Variants in GSR observed in about 807,000 individuals in gnomAD.
GSR encodes glutathione-disulfide reductase, also known as glutathione reductase, mitochondrial.
A neutral mutation model predicts 56.5 loss-of-function variants in GSR; 48 were observed. That is an observed-to-expected ratio of 0.85 (90% CI 0.67 to 1.08). GSR has a LOEUF of 1.08. GSR is among the 50% of genes least tolerant of loss of function. The pLI, the probability that GSR is intolerant of heterozygous loss-of-function variation, is 0.00. For synonymous variants in GSR, 264 were observed against 270.8 expected (o/e 0.97, Z 0.25); for missense variants, 694 against 703.3 (o/e 0.99, Z 0.15).
chr8:30,687,791 C>T (rs1803213475), intron 9 of GSR, among the ~76,000 whole-genome samples: 1 of 152,082 alleles, frequency 6.6e-6, no homozygotes, highest in Non-Finnish European at 1.5e-5. Flanking sequence ...AGCAGGTGAA[C>T]ATTCATTGTG....
Position 30,678,356 on chromosome 8 carries a change from TA to T in GSR, c.*1163del, listed in dbSNP as rs1425070786. On this transcript the variant is annotated 3_prime_UTR_variant, in exon 13 of 13. Transcript: ENST00000221130. ...CATAAAAATAATATATATATATATA[TA>T]TATTTTTTTTTTTTTTTTTTGAGAC... is the stretch of plus-strand genomic sequence containing the variant. The T allele has an allele frequency of 7.1e-5, 3 of 42,254 alleles. No homozygotes were observed. Among genetic ancestry groups the T allele is most frequent in the Non-Finnish European group, 1.2e-4 (3 of 25,358 alleles). The allele number at this position is 42,254 out of a possible 1,614,324, so 2.6% of individuals were successfully genotyped here.
chr8:30,698,224 G>A (rs552515655), intron 6 of GSR, among the ~76,000 whole-genome samples: 163 of 152,252 alleles, frequency 1.1e-3, no homozygotes, highest in Non-Finnish European at 1.7e-3. Context: ...GAAGAATCAC[G>A]TATCAATCGT....
Position 30,727,365 on chromosome 8 carries a change from C to T in GSR, c.306+165G>A, listed in dbSNP as rs2280857. Among the ~76,000 whole-genome samples, 10,978 of 152,264 alleles carry T rather than the reference C, an allele frequency of 0.072. 1,146 individuals are homozygous for T. The highest frequency in any genetic ancestry group is 0.23 in the African/African-American group (9,677 of 41,520). Reference sequence around the variant, plus strand: ...GAGAAGCCCCCGGACGCCTCTCTCTCCTCCACCTGCTGGGTTCCTGGCTTC... The same window carrying T: ...GAGAAGCCCCCGGACGCCTCTCTCTTCTCCACCTGCTGGGTTCCTGGCTTC... On this transcript the variant is annotated intron_variant, in intron 1 of 12. Transcript: ENST00000221130.
At position 30,681,157 on chromosome 8, in the gene GSR, C is replaced by A. The variant is rs568389970; in HGVS notation, c.1286-120G>T. ...CAAACCACGAGGAAATATCAAACCA[C>A]GCCAAAATGAGAAGTATTCTACAAA... is the stretch of plus-strand genomic sequence containing the variant. On this transcript the variant is annotated intron_variant, in intron 11 of 12. Coordinates refer to ENST00000221130, the MANE Select transcript of GSR (RefSeq NM_000637.5). 4.9e-6 allele frequency: 4 copies of A among 820,474 alleles called. No individual in the cohort carries two copies. The African/African-American group carries it at 6.7e-5, about 14-fold the overall frequency. 50.8% of individuals were successfully genotyped at this position (820,474 alleles called of 1,614,324 possible).
chr8:30,724,544 CTTTTTTTT>C (rs56145808), intron 1 of GSR, among the ~76,000 whole-genome samples: 39 of 84,640 alleles, frequency 4.6e-4, no homozygotes, highest in African/African-American at 1.7e-3. Context: ...AACCCCCCAC[CTTTTTTTT>C]TTTTTTTTTT....
chr8:30,712,090 T>C lies in GSR; in HGVS notation c.307-2A>G. The C allele has an allele frequency of 1.4e-6, 2 of 1,429,350 alleles. No homozygotes were observed. The highest frequency in any genetic ancestry group is 1.2e-5 in the South Asian group (1 of 82,864). The allele number at this position is 1,429,350 out of a possible 1,614,324, so 88.5% of individuals were successfully genotyped here. A position where few individuals can be genotyped will look rare whatever the true frequency, so the allele number is the denominator to read the frequency against. ...TTTGGGTACACATCCAACATTCACC[T>C]GGAAAAAAAAAAAAGAGACACACTT... On this transcript the variant is annotated splice_acceptor_variant, in intron 1 of 12. Transcript: ENST00000221130. LOFTEE classifies it high-confidence loss of function.
intron 8 of GSR, among the ~76,000 whole-genome samples, chr8:30,692,491 C>G: frequency 9.6e-6 from 1 of 103,884 alleles, no homozygotes; most frequent in South Asian, 3.2e-4. Context: ...CCACCACACC[C>G]AGACTTTTTT....
chr8:30,709,520 T>C (rs1462270347), intron 3 of GSR, among the ~76,000 whole-genome samples: 2 of 152,164 alleles, frequency 1.3e-5, no homozygotes, highest in African/African-American at 2.4e-5. Flanking sequence ...GAAAGCAGAA[T>C]AGAGGTTCCC....
chr8:30,696,783 C>T (rs1391676387), intron 6 of GSR, among the ~76,000 whole-genome samples: 2 of 152,140 alleles, frequency 1.3e-5, no homozygotes, highest in East Asian at 1.9e-4. Flanking sequence ...GCAGCCTCAA[C>T]CTCCAGGACT....
chr8:30,689,746 G>GTATATA (rs35206861), intron 8 of GSR, among the ~76,000 whole-genome samples: 15 of 138,626 alleles, frequency 1.1e-4, no homozygotes, highest in African/African-American at 3.7e-4. Context: ...GTGTGTGTGT[G>GTATATA]TATATATATA....
intron 12 of GSR, among the ~76,000 whole-genome samples, chr8:30,680,136 A>C (rs1802893367): frequency 6.6e-6 from 1 of 152,194 alleles, no homozygotes; most frequent in African/African-American, 2.4e-5. Flanking sequence ...AATGAATGAT[A>C]ACTGGCATGA....
Position 30,692,990 on chromosome 8 carries a change from C to T in GSR, c.861G>A (p.Val287=). ...GTACCTGGGAGAACTTCAGCACCTCCACGCCAGCGTTCTCCAGCTCCTCCG... is the reference window on the plus strand; with the variant it reads ...GTACCTGGGAGAACTTCAGCACCTCTACGCCAGCGTTCTCCAGCTCCTCCG... The part of the protein sequence containing the change: ...NCTEELENAG[V]EVLKFSQVKE... Residue 287 remains valine, a synonymous_variant, in exon 8 of 13, where the codon GTG becomes GTA. Transcript: ENST00000221130. 1 of 1,611,784 alleles carries T rather than the reference C, an allele frequency of 6.2e-7. No individual in the cohort carries two copies. The highest frequency in any genetic ancestry group is 1.1e-5 in the South Asian group (1 of 91,046).
chr8:30,685,084 C>T (rs575769333), intron 9 of GSR, among the ~76,000 whole-genome samples: 28 of 151,956 alleles, frequency 1.8e-4, no homozygotes, highest in Non-Finnish European at 3.4e-4. Flanking sequence ...CTCAGCCTCC[C>T]GAGTAGCTGG....
rs1803282431 is a variant in GSR, at chr8:30,689,333, A to G, written c.883-14T>C. 1 of 1,612,466 alleles carries G rather than the reference A, an allele frequency of 6.2e-7. No homozygotes were observed. The highest frequency in any genetic ancestry group is 8.5e-7 in the Non-Finnish European group (1 of 1,178,412). On this transcript the variant is annotated splice_polypyrimidine_tract_variant and intron_variant, in intron 8 of 12. Coordinates refer to ENST00000221130, the MANE Select transcript of GSR (RefSeq NM_000637.5). ...AACCTCCTTGACCTATTGGCAAATA[A>G]AATGTGTTACACATGTGTGGAGGCT...
At chr8:30,718,042 A>G (rs1022831067) in intron 1 of GSR, among the ~76,000 whole-genome samples, 2 of 152,018 alleles carry the variant, frequency 1.3e-5, no homozygotes, top group Admixed American at 6.6e-5. Context: ...CAGAGGCTGC[A>G]GTGAGCCGAG....
chr8:30,682,374 C>A (rs913126732), intron 10 of GSR, among the ~76,000 whole-genome samples: 1 of 152,132 alleles, frequency 6.6e-6, no homozygotes, highest in African/African-American at 2.4e-5. Flanking sequence ...CACACCTGAC[C>A]TCATGTGAAG....
chr8:30,687,678 A>AC (rs1803209569), intron 9 of GSR: 6 of 152,272 alleles, frequency 3.9e-5, no homozygotes, highest in African/African-American at 1.5e-4. Flanking sequence ...AAACAAACAA[A>AC]AAAACCCAGA....
chr8:30,696,563 T>A, intron 6 of GSR, 84 bp from the exon 7 acceptor site: 1 of 901,090 alleles, frequency 1.1e-6, no homozygotes, highest in Non-Finnish European at 1.9e-6. Context: ...GCAGAGATAG[T>A]ACAGAGATTT....
intron 8 of GSR, among the ~76,000 whole-genome samples, chr8:30,690,579 C>T (rs1018586919): frequency 4.6e-5 from 7 of 152,068 alleles, no homozygotes; most frequent in South Asian, 2.1e-4. Flanking sequence ...CTCCACCAGC[C>T]GAGCATTTTT....
Sources: allele counts gnomAD v4.1 joint callset (sites outside exome capture counted in the v4.1 genomes callset), GRCh38; gene constraint gnomAD v4.1.1; transcripts MANE v1.5; gene names NCBI Gene and HGNC (gene_info 2026-07-23, HGNC 2026-07-21).